CD86: variants seen among roughly 807,000 people sequenced by gnomAD.
CD86 encodes the protein CD86 molecule, also known as T-lymphocyte activation antigen CD86.
In CD86, 11 loss-of-function variants were observed where a neutral mutation model predicts 32.1. The observed-to-expected ratio is 0.34, with a 90% CI of 0.22 to 0.57. CD86 has a LOEUF of 0.57. CD86 is among the 20% of genes least tolerant of loss of function. The probability of loss-of-function intolerance (pLI) is 0.86; values close to 1 mark genes in which losing one functional copy is unlikely to be tolerated. For missense variants in CD86, 359 were observed against 398.4 expected (o/e 0.90, Z 0.84); for synonymous variants, 137 against 135.3 (o/e 1.01, Z -0.09).
intron 1 of CD86, among the ~76,000 whole-genome samples, chr3:122,086,162 C>A (rs536886488): frequency 8.5e-5 from 13 of 152,308 alleles, no homozygotes; most frequent in Non-Finnish European, 8.8e-5. Flanking sequence ...ATCTCTAGAA[C>A]AAGTCTGACA....
At chr3:122,098,754 G>A (rs528040610) in intron 2 of CD86, among the ~76,000 whole-genome samples, 43 of 152,314 alleles carry the variant, frequency 2.8e-4, no homozygotes, top group Admixed American at 7.2e-4. Flanking sequence ...AGCTCTGGCT[G>A]TAGTAGTTCT....
At chr3:122,057,213 A>G (rs2072250811) in intron 1 of CD86, among the ~76,000 whole-genome samples, 1 of 152,224 alleles carries the variant, frequency 6.6e-6, no homozygotes, top group South Asian at 2.1e-4. Context: ...AGCCTTTAAA[A>G]TGTATATGCC....
chr3:122,081,209 C>T (rs1405437541), intron 1 of CD86, among the ~76,000 whole-genome samples: 1 of 152,206 alleles, frequency 6.6e-6, no homozygotes, highest in Non-Finnish European at 1.5e-5. Context: ...ACAACCTCTG[C>T]TGCAGGCCAG....
intron 2 of CD86, among the ~76,000 whole-genome samples, chr3:122,102,339 A>T (rs901880021): frequency 4.6e-4 from 69 of 148,676 alleles, no homozygotes; most frequent in African/African-American, 1.6e-3. Flanking sequence ...GTGGCATCTA[A>T]CTTCATATTA....
At chr3:122,077,550 C>T (rs1328699614) in intron 1 of CD86, among the ~76,000 whole-genome samples, 1 of 151,888 alleles carries the variant, frequency 6.6e-6, no homozygotes, top group Non-Finnish European at 1.5e-5. Flanking sequence ...TCTGAAGCCC[C>T]GTGGAGCTCA....
At chr3:122,089,333 C>A (rs542081289) in intron 1 of CD86, among the ~76,000 whole-genome samples, 2 of 152,280 alleles carry the variant, frequency 1.3e-5, no homozygotes, top group South Asian at 4.1e-4. Flanking sequence ...GTGTATTATG[C>A]CACAACTAAT....
intron 4 of CD86, 29 bp from the exon 5 acceptor site, chr3:122,109,236 G>A (rs1486050263): frequency 6.2e-7 from 1 of 1,605,488 alleles, no homozygotes; most frequent in Middle Eastern, 1.7e-4. Flanking sequence ...GACTCTCCTG[G>A]CTGATTGAAA....
At chr3:122,074,066 A>G (rs1043907021) in intron 1 of CD86, among the ~76,000 whole-genome samples, 1 of 152,178 alleles carries the variant, frequency 6.6e-6, no homozygotes, top group East Asian at 1.9e-4. Flanking sequence ...CACCCTTACT[A>G]TCTGAGCCCA....
rs139064539 is a variant in CD86 at position 122,112,671 on chromosome 3, G to A, written c.847+3263G>A. Among the ~76,000 whole-genome samples, 1,098 of 152,238 alleles carry A rather than the reference G, an allele frequency of 7.2e-3. 8 individuals are homozygous for A. The highest frequency in any genetic ancestry group is 0.01 in the Non-Finnish European group (708 of 68,004). On this transcript the variant is annotated intron_variant, in intron 5 of 6. Coordinates refer to ENST00000330540, the MANE Select transcript of CD86 (RefSeq NM_175862.5). Reference sequence around the variant, plus strand: ...ATTTGTAAGCAAATTTAAAAGTTTAGAATCTACCTTTTAATTGTCTGCTTT... The same window carrying A: ...ATTTGTAAGCAAATTTAAAAGTTTAAAATCTACCTTTTAATTGTCTGCTTT...
chr3:122,080,306 C>T (rs1238428209), intron 1 of CD86, among the ~76,000 whole-genome samples: 1 of 152,082 alleles, frequency 6.6e-6, no homozygotes, highest in Non-Finnish European at 1.5e-5. Context: ...GAAAAAAAAT[C>T]GTTCTCAAAT....
At chr3:122,079,308 G>A (rs1461668428) in intron 1 of CD86, among the ~76,000 whole-genome samples, 2 of 152,170 alleles carry the variant, frequency 1.3e-5, no homozygotes, top group Non-Finnish European at 2.9e-5. Flanking sequence ...ATTTTATGGA[G>A]TTGAGGCTAG....
At chr3:122,091,770 A>G (rs1348654549) in intron 2 of CD86, 120 bp downstream of exon 2, 2 of 767,610 alleles carry the variant, frequency 2.6e-6, no homozygotes, top group African/African-American at 1.7e-5. Flanking sequence ...AGCATTGTAC[A>G]AGACCACATG....
At chr3:122,103,486 C>A in intron 2 of CD86, 26 bp from the exon 3 acceptor site, 1 of 1,529,366 alleles carries the variant, frequency 6.5e-7, no homozygotes, top group Non-Finnish European at 8.9e-7. Context: ...GTTTCTCCCT[C>A]CCTAATCCTT....
intron 1 of CD86, among the ~76,000 whole-genome samples, chr3:122,083,504 C>A (rs1042242806): frequency 2.0e-5 from 3 of 152,318 alleles, no homozygotes; most frequent in Middle Eastern, 3.4e-3. Flanking sequence ...CCTATTCAAT[C>A]TGTTCTGTTT....
In CD86 at chr3:122,077,830, T is replaced by G. The variant is rs934280801; in HGVS notation, c.15-13771T>G. On this transcript the variant is annotated intron_variant, in intron 1 of 6. Transcript: ENST00000330540. ...AAGAGCACTGTCCCTGGCTGTGGTGTTGTTTCTCTAGTCAGTTCCCCTTTC... is the reference window on the plus strand; with the variant it reads ...AAGAGCACTGTCCCTGGCTGTGGTGGTGTTTCTCTAGTCAGTTCCCCTTTC... The G allele has an allele frequency of 5.3e-5, 52 of 985,452 alleles. 2 individuals carry two copies. The South Asian group carries it at 6.6e-4, about 12-fold the overall frequency. The allele number at this position is 985,452 out of a possible 1,614,324, so 61.0% of individuals were successfully genotyped here. A position where few individuals can be genotyped will look rare whatever the true frequency, so the allele number is the denominator to read the frequency against.
chr3:122,078,129 T>A, intron 1 of CD86: 6 of 818,860 alleles, frequency 7.3e-6, no homozygotes, highest in Non-Finnish European at 5.9e-6. Context: ...GCTGATGTGC[T>A]AATGGCCGGC....
intron 1 of CD86, among the ~76,000 whole-genome samples, chr3:122,068,616 G>T (rs2072446804): frequency 6.6e-6 from 1 of 152,144 alleles, no homozygotes; most frequent in African/African-American, 2.4e-5. Flanking sequence ...TTTACTTTGA[G>T]TTCTGAAAGG....
chr3:122,100,352 CT>C (rs2072979679), intron 2 of CD86, among the ~76,000 whole-genome samples: 1 of 152,154 alleles, frequency 6.6e-6, no homozygotes, highest in Non-Finnish European at 1.5e-5. Context: ...GAGCAAGTGG[CT>C]TCCTTTGGGT....
chr3:122,094,874 A>G (rs540369628), intron 2 of CD86, among the ~76,000 whole-genome samples: 19 of 152,326 alleles, frequency 1.2e-4, no homozygotes, highest in African/African-American at 3.8e-4. Flanking sequence ...TGTGCCTTGT[A>G]TTTACAAAGC....
Sources: allele counts gnomAD v4.1 joint callset (sites outside exome capture counted in the v4.1 genomes callset), GRCh38; gene constraint gnomAD v4.1.1; transcripts MANE v1.5; gene names NCBI Gene and HGNC (gene_info 2026-07-23, HGNC 2026-07-21).